Variants in FBXL17 observed in about 807,000 individuals in gnomAD.
FBXL17 encodes F-box/LRR-repeat protein 17.
In FBXL17, 22 loss-of-function variants were observed where a neutral mutation model predicts 66.2. The observed-to-expected ratio is 0.33, with a 90% CI of 0.24 to 0.47. The LOEUF (loss-of-function observed/expected upper bound fraction) is 0.47, where lower values mean the gene tolerates loss of function less well. Among genes scored for constraint, FBXL17 ranks in the 20% least tolerant of loss-of-function variants. The probability of loss-of-function intolerance (pLI) is 1.00; values close to 1 mark genes in which losing one functional copy is unlikely to be tolerated. For missense variants in FBXL17, 878 were observed against 948.2 expected, an observed-to-expected ratio of 0.93 and a Z score of 0.97; for synonymous variants, 474 against 400.5, an observed-to-expected ratio of 1.18 and a Z score of -2.19.
At position 108,260,579 on chromosome 5, in the gene FBXL17, G is replaced by A. The variant is rs574569147; in HGVS notation, c.1507-36351C>T. On this transcript the variant is annotated intron_variant, in intron 4 of 8. Coordinates refer to ENST00000542267, the MANE Select transcript of FBXL17 (RefSeq NM_001163315.3). ...TATTACAAGGAGGGAAGAAGAGAAC[G>A]GGTTCCTATACCCCTACATTTCTCC... Among the ~76,000 whole-genome samples, 5 of 152,162 alleles carry A rather than the reference G, an allele frequency of 3.3e-5. No individual in the cohort carries two copies. In the East Asian group the frequency reaches 5.8e-4, roughly 18 times the overall value.
chr5:108,194,290 C>A (rs1030868984), intron 5 of FBXL17, among the ~76,000 whole-genome samples: 1 of 152,118 alleles, frequency 6.6e-6, no homozygotes, highest in Admixed American at 6.5e-5. Context: ...TTAGAAGTAT[C>A]TGTTCTCCTC....
At chr5:108,315,826 A>C (rs1451022398) in intron 4 of FBXL17, among the ~76,000 whole-genome samples, 1 of 151,590 alleles carries the variant, frequency 6.6e-6, no homozygotes, top group Non-Finnish European at 1.5e-5. Context: ...ATATTTAAAG[A>C]CCAATTAACA....
intron 7 of FBXL17, among the ~76,000 whole-genome samples, chr5:107,931,168 A>G (rs1029335183): frequency 1.6e-4 from 25 of 152,190 alleles, no homozygotes; most frequent in African/African-American, 5.5e-4. Context: ...GTTGGCCTCA[A>G]CTAGATTGAC....
chr5:108,203,845 T>C (rs1420615058), intron 5 of FBXL17, among the ~76,000 whole-genome samples: 1 of 152,168 alleles, frequency 6.6e-6, no homozygotes, highest in Non-Finnish European at 1.5e-5. Context: ...TTGAGTTAGC[T>C]GCATGAATGA....
intron 8 of FBXL17, chr5:107,879,747 A>G: frequency 2.0e-6 from 2 of 985,452 alleles, no homozygotes; most frequent in Non-Finnish European, 2.4e-6. Context: ...CCTAATCACC[A>G]TTTACAAAAG....
At chr5:107,881,330 C>T (rs1238602529) in intron 7 of FBXL17, 151 bp from the exon 8 acceptor site, 3 of 515,248 alleles carry the variant, frequency 5.8e-6, no homozygotes, top group East Asian at 2.9e-5. Flanking sequence ...ATTTGAAATG[C>T]TTTAGGAAAG....
intron 5 of FBXL17, among the ~76,000 whole-genome samples, chr5:108,205,499 C>G (rs1289301100): frequency 1.3e-5 from 2 of 152,132 alleles, no homozygotes; most frequent in African/African-American, 4.8e-5. Context: ...TGTCAGGATT[C>G]AAGCAAAATC....
chr5:107,861,765 G>A lies in FBXL17; in HGVS notation c.2061C>T (p.Ala687=). Residue 687 remains alanine, a synonymous_variant, in exon 9 of 9, where the codon GCC becomes GCT. Transcript: ENST00000542267. The part of the protein sequence containing the change: ...LQDCKRTLER[A]YQMGWTPNMS... The stretch of plus-strand genomic sequence containing the variant: ...TGTTGGGGGTCCAGCCCATCTGATA[G>A]GCTCTCTCCAAGGTCCTCTTGCAGT... The A allele has an allele frequency of 6.3e-7, 1 of 1,588,048 alleles. No individual in the cohort carries two copies. The highest frequency in any genetic ancestry group is 8.6e-7 in the Non-Finnish European group (1 of 1,164,994).
chr5:108,162,720 G>A (rs1752262063), intron 6 of FBXL17, among the ~76,000 whole-genome samples: 1 of 152,048 alleles, frequency 6.6e-6, no homozygotes, highest in African/African-American at 2.4e-5. Flanking sequence ...CTAGTGCCTT[G>A]GTTCTCTCAT....
At chr5:108,285,580 G>T (rs1580745418) in intron 4 of FBXL17, among the ~76,000 whole-genome samples, 1 of 151,792 alleles carries the variant, frequency 6.6e-6, no homozygotes, top group Admixed American at 6.6e-5. Context: ...CATTGTCAAT[G>T]AGTGGTATTA....
At chr5:108,133,099 G>A (rs558890285) in intron 6 of FBXL17, among the ~76,000 whole-genome samples, 1 of 152,114 alleles carries the variant, frequency 6.6e-6, no homozygotes, top group South Asian at 2.1e-4. Context: ...GGAACACGAA[G>A]GCAAATAGTA....
intron 5 of FBXL17, among the ~76,000 whole-genome samples, chr5:108,190,137 T>A (rs1038895171): frequency 5.9e-5 from 9 of 152,194 alleles, no homozygotes; most frequent in African/African-American, 2.2e-4. Flanking sequence ...AGGGCTGCGG[T>A]GACGTTGTAT....
intron 6 of FBXL17, among the ~76,000 whole-genome samples, chr5:108,083,828 C>T (rs1441110340): frequency 6.6e-6 from 1 of 152,084 alleles, no homozygotes; most frequent in Non-Finnish European, 1.5e-5. Context: ...AGCAACAAAA[C>T]AGAGCAGACA....
intron 4 of FBXL17, among the ~76,000 whole-genome samples, chr5:108,329,052 T>C (rs1029482226): frequency 6.6e-6 from 1 of 152,112 alleles, no homozygotes; most frequent in South Asian, 2.1e-4. Flanking sequence ...TATACCACAA[T>C]TGCCTATGCA....
chr5:108,108,887 G>A (rs1485471622), intron 6 of FBXL17, among the ~76,000 whole-genome samples: 2 of 151,162 alleles, frequency 1.3e-5, no homozygotes, highest in South Asian at 2.1e-4. Context: ...GGGTTCAAGC[G>A]ATTCTCCTGC....
chr5:107,909,944 T>A (rs2112545185), intron 7 of FBXL17, among the ~76,000 whole-genome samples: 1 of 152,320 alleles, frequency 6.6e-6, no homozygotes. Flanking sequence ...TGCTGCTGAA[T>A]GTATATGATA....
chr5:108,006,377 G>T (rs1173807242), intron 7 of FBXL17, among the ~76,000 whole-genome samples: 1 of 152,202 alleles, frequency 6.6e-6, no homozygotes, highest in Non-Finnish European at 1.5e-5. Flanking sequence ...TTTGAGGATA[G>T]AGTTGACCGG....
chr5:108,317,570 TCTG>T (rs893374169), intron 4 of FBXL17, among the ~76,000 whole-genome samples: 7 of 151,214 alleles, frequency 4.6e-5, no homozygotes, highest in Non-Finnish European at 8.9e-5. Flanking sequence ...AAATTAATAA[TCTG>T]CTAAAAATAC....
intron 6 of FBXL17, among the ~76,000 whole-genome samples, chr5:108,155,375 C>A (rs764769655): frequency 3.9e-5 from 6 of 151,906 alleles, no homozygotes; most frequent in Non-Finnish European, 7.4e-5. Flanking sequence ...ATTAGCCGGG[C>A]GTGGTGGCAC....
Sources: gnomAD v4.1 joint callset for allele counts (sites outside exome capture counted in the v4.1 genomes callset) on GRCh38, gnomAD v4.1.1 for gene constraint, MANE v1.5 for transcripts, NCBI Gene and HGNC (gene_info 2026-07-23, HGNC 2026-07-21) for gene names.